The following SLC9A4 variants were observed in gnomAD, a reference collection of about 807,000 sequenced individuals.
SLC9A4 encodes solute carrier family 9 member A4, also known as sodium/hydrogen exchanger 4.
In SLC9A4, 63 loss-of-function variants were observed where a neutral mutation model predicts 67.4. That is an observed-to-expected ratio of 0.93 (90% CI 0.76 to 1.15). The LOEUF (loss-of-function observed/expected upper bound fraction) is 1.15. SLC9A4 is among the 50% of genes most tolerant of loss of function. The pLI is 0.00. For synonymous variants in SLC9A4, 393 were observed against 367.2 expected, an observed-to-expected ratio of 1.07 and a Z score of -0.80; for missense variants, 1,089 against 987.7, an observed-to-expected ratio of 1.10 and a Z score of -1.38.
chr2:102,532,225 CA>C, intron 11 of SLC9A4, 104 bp from the exon 12 acceptor site: 2 of 1,298,042 alleles, frequency 1.5e-6, no homozygotes, highest in Non-Finnish European at 1.1e-6. Context: ...GCTGAAACCT[CA>C]GGAAGAGCTT....
At chr2:102,526,504 CTTTG>C (rs1186073253) in intron 11 of SLC9A4, among the ~76,000 whole-genome samples, 158 bp downstream of exon 11, 4 of 152,306 alleles carry the variant, frequency 2.6e-5, no homozygotes, top group African/African-American at 9.6e-5. Flanking sequence ...AAACTCGGAA[CTTTG>C]TTTATGAACA....
rs533498093 is a variant in SLC9A4, at chr2:102,506,754, G to A, written c.1198+1283G>A. 2.0e-5 allele frequency among the ~76,000 whole-genome samples: 3 copies of A among 152,238 alleles called. No homozygotes were observed. In the South Asian group the frequency reaches 6.2e-4, roughly 32 times the overall value. ...GAAGTAAAATTACAGAGCTTTAGCC[G>A]AGCCAAAAAGAAAAGAAACTACCTA... is the stretch of plus-strand genomic sequence containing the variant. On this transcript the variant is annotated intron_variant, in intron 4 of 11. Transcript: ENST00000295269.
At chr2:102,503,390 C>G (rs1684983582) in intron 2 of SLC9A4, 58 bp from the exon 3 acceptor site, 1 of 1,433,008 alleles carries the variant, frequency 7.0e-7, no homozygotes, top group East Asian at 2.4e-5. Flanking sequence ...AATGTGCATG[C>G]AAAGTGTTCC....
At chr2:102,487,078 C>A (rs1367923010) in intron 2 of SLC9A4, among the ~76,000 whole-genome samples, 1 of 152,154 alleles carries the variant, frequency 6.6e-6, no homozygotes, top group Admixed American at 6.5e-5. Context: ...CCCATCCAGC[C>A]CAGACATGGG....
Position 102,505,588 on chromosome 2 carries a change from G to A in SLC9A4, c.1198+117G>A, listed in dbSNP as rs1685034827. 8.5e-6 allele frequency: 8 copies of A among 942,138 alleles called. No individual in the cohort carries two copies. The South Asian group carries it at 1.3e-4, about 16-fold the overall frequency. 58.4% of individuals were successfully genotyped at this position (942,138 alleles called of 1,614,324 possible). A position where few individuals can be genotyped will look rare whatever the true frequency, so the allele number is the denominator to read the frequency against. On this transcript the variant is annotated intron_variant, in intron 4 of 11. Coordinates refer to ENST00000295269, the MANE Select transcript of SLC9A4 (RefSeq NM_001011552.4). ...AGATGCTAACTGGTTTTACCGGTTA[G>A]GGTAGACTAGGAACCTGGTCGTGAG... is the stretch of plus-strand genomic sequence containing the variant.
In SLC9A4 at chr2:102,524,556, T is replaced by TTG. The variant is rs147920382; in HGVS notation, c.1819-440_1819-439dup. 1.8e-3 allele frequency among the ~76,000 whole-genome samples: 263 copies of TTG among 145,524 alleles called. 1 individual carries two copies. Among genetic ancestry groups the TTG allele is most frequent in the South Asian group, 0.013 (58 of 4,522 alleles). ...GAATTGATGATAATGGTGATAGGAA[T>TTG]TGTGTGTGTGTGTGTGTGTGTGTGT... On this transcript the variant is annotated intron_variant, in intron 9 of 11. Coordinates refer to ENST00000295269, the MANE Select transcript of SLC9A4 (RefSeq NM_001011552.4).
At chr2:102,502,192 T>C (rs1173635712) in intron 2 of SLC9A4, among the ~76,000 whole-genome samples, 1 of 152,222 alleles carries the variant, frequency 6.6e-6, no homozygotes, top group Non-Finnish European at 1.5e-5. Flanking sequence ...CTCTTCTCTA[T>C]GTCTCATTAC....
intron 4 of SLC9A4, 57 bp downstream of exon 4, chr2:102,505,528 T>A: frequency 6.5e-7 from 1 of 1,538,474 alleles, no homozygotes; most frequent in South Asian, 1.1e-5. Flanking sequence ...AGTTCTCTTA[T>A]TCCCTTCCGC....
chr2:102,523,678 G>GGCT lies in SLC9A4; in HGVS notation c.1819-1343_1819-1341dup, dbSNP rs1477088688. Among the ~76,000 whole-genome samples, 3 of 152,314 alleles carry GGCT rather than the reference G, an allele frequency of 2.0e-5. No individual in the cohort carries two copies. In the East Asian group the frequency reaches 5.8e-4, roughly 29 times the overall value. On this transcript the variant is annotated intron_variant, in intron 9 of 11. Coordinates refer to ENST00000295269, the MANE Select transcript of SLC9A4 (RefSeq NM_001011552.4). The stretch of plus-strand genomic sequence containing the variant: ...AAAATGGAGCCTCTACTCCTTGGCA[G>GGCT]GCTGCCTGTGGCCTGGCCGCAGCCC...
Position 102,479,520 on chromosome 2 carries a change from C to G in SLC9A4, c.720+218C>G, listed in dbSNP as rs543895617. ...ACACTGCTTGTCATTCACAAACCAA[C>G]TAGTTTCGTTAAAGAGTGGAAAAGG... On this transcript the variant is annotated intron_variant, in intron 2 of 11. Coordinates refer to ENST00000295269, the MANE Select transcript of SLC9A4 (RefSeq NM_001011552.4). 1.7e-4 allele frequency among the ~76,000 whole-genome samples: 26 copies of G among 152,304 alleles called. 1 individual carries two copies. The East Asian group carries it at 4.8e-3, about 28-fold the overall frequency.
chr2:102,479,347 TC>T, intron 2 of SLC9A4, 45 bp downstream of exon 2: 1 of 1,545,080 alleles, frequency 6.5e-7, no homozygotes, highest in Non-Finnish European at 8.7e-7. Context: ...AGATGAGGGT[TC>T]GGGGTGGGGC....
intron 2 of SLC9A4, among the ~76,000 whole-genome samples, chr2:102,494,743 G>C (rs1684770988): frequency 1.3e-5 from 2 of 151,930 alleles, no homozygotes; most frequent in South Asian, 4.2e-4. Context: ...AGATAAAGAA[G>C]GATCTATCAT....
chr2:102,487,119 C>T (rs1236142216), intron 2 of SLC9A4, among the ~76,000 whole-genome samples: 2 of 152,112 alleles, frequency 1.3e-5, no homozygotes. Flanking sequence ...TGCCTTCAGA[C>T]ATGCACTTTC....
At chr2:102,524,002 A>C (rs1674604695) in intron 9 of SLC9A4, among the ~76,000 whole-genome samples, 1 of 152,220 alleles carries the variant, frequency 6.6e-6, no homozygotes. Context: ...GAATCTTATC[A>C]CTTAGCTGCA....
intron 1 of SLC9A4, among the ~76,000 whole-genome samples, chr2:102,478,397 G>C (rs1258338867): frequency 6.6e-6 from 1 of 152,148 alleles, no homozygotes; most frequent in Admixed American, 6.5e-5. Flanking sequence ...ACAAAATAAA[G>C]GACTTTTAAT....
At chr2:102,503,410 T>C in intron 2 of SLC9A4, 38 bp from the exon 3 acceptor site, 3 of 1,507,344 alleles carry the variant, frequency 2.0e-6, no homozygotes, top group Non-Finnish European at 1.8e-6. Flanking sequence ...CTAGTTTCTA[T>C]TCATAATTCA....
chr2:102,481,660 C>T (rs1465085429), intron 2 of SLC9A4, among the ~76,000 whole-genome samples: 1 of 151,856 alleles, frequency 6.6e-6, no homozygotes, highest in African/African-American at 2.4e-5. Context: ...TTTCAATGTC[C>T]CATAAAGACC....
chr2:102,506,557 T>C (rs1685054044), intron 4 of SLC9A4, among the ~76,000 whole-genome samples: 1 of 152,152 alleles, frequency 6.6e-6, no homozygotes, highest in African/African-American at 2.4e-5. Context: ...CTTAAATCAT[T>C]ATCACCGGCC....
At chr2:102,488,831 G>C (rs1684643272) in intron 2 of SLC9A4, among the ~76,000 whole-genome samples, 1 of 152,186 alleles carries the variant, frequency 6.6e-6, no homozygotes, top group Non-Finnish European at 1.5e-5. Flanking sequence ...ACAGGCGTGA[G>C]CCACTGCGCC....
Sources: allele counts gnomAD v4.1 joint callset (sites outside exome capture counted in the v4.1 genomes callset), GRCh38; gene constraint gnomAD v4.1.1; transcripts MANE v1.5; gene names NCBI Gene and HGNC (gene_info 2026-07-23, HGNC 2026-07-21).